Variants in PTBP3 observed in about 807,000 individuals in gnomAD.
PTBP3 encodes polypyrimidine tract binding protein 3, also known as polypyrimidine tract-binding protein 3.
PTBP3 carries 20 observed loss-of-function variants against 58.7 expected under a neutral mutation model. The ratio of observed to expected loss-of-function variants is 0.34; its 90% CI spans 0.24 to 0.50. The LOEUF is 0.50. Among genes scored for constraint, PTBP3 ranks in the 20% least tolerant of loss-of-function variants. The probability of loss-of-function intolerance (pLI) is 0.98; values close to 1 mark genes in which losing one functional copy is unlikely to be tolerated. For synonymous variants in PTBP3, 185 were observed against 219.8 expected, an observed-to-expected ratio of 0.84 and a Z score of 1.40; for missense variants, 509 against 637.2, an observed-to-expected ratio of 0.80 and a Z score of 2.17.
the PTBP3 span, chr9:112,362,929 T>C: frequency 3.7e-6 from 1 of 270,040 alleles, no homozygotes; most frequent in Non-Finnish European, 7.3e-6. Flanking sequence ...GCCCAGCGGC[T>C]TCTGGAAGTT....
chr9:112,314,209 T>C, intron 1 of PTBP3, among the ~76,000 whole-genome samples: 1 of 152,166 alleles, frequency 6.6e-6, no homozygotes, highest in East Asian at 1.9e-4. Context: ...GACAAATGTA[T>C]ACCACACAAA....
At chr9:112,326,486 GT>G (rs1830162185) in intron 1 of PTBP3, among the ~76,000 whole-genome samples, 1 of 152,188 alleles carries the variant, frequency 6.6e-6, no homozygotes. Flanking sequence ...CCAACCCTTG[GT>G]CAAGCAAACA....
At chr9:112,256,267 A>C (rs1345466198) in intron 5 of PTBP3, among the ~76,000 whole-genome samples, 13 of 110,750 alleles carry the variant, frequency 1.2e-4, no homozygotes, top group African/African-American at 2.3e-4. Context: ...AAAAAAAAAA[A>C]ACAAAATATA....
the PTBP3 span, among the ~76,000 whole-genome samples, chr9:112,350,677 ACTCTGT>A: frequency 1.3e-5 from 2 of 151,950 alleles, no homozygotes; most frequent in African/African-American, 4.8e-5. Flanking sequence ...TCTCTCTCAC[ACTCTGT>A]CTCTCTCTCT....
At chr9:112,363,861 C>T in the PTBP3 span, among the ~76,000 whole-genome samples, 1 of 152,142 alleles carries the variant, frequency 6.6e-6, no homozygotes, top group Non-Finnish European at 1.5e-5. Context: ...TCATTATCAA[C>T]CAAAATCCAT....
intron 1 of PTBP3, 114 bp from the exon 2 acceptor site, chr9:112,298,030 A>AG (rs935707078): frequency 2.5e-5 from 20 of 800,122 alleles, no homozygotes; most frequent in Non-Finnish European, 3.7e-5. Flanking sequence ...AAGACATTAA[A>AG]GGGGGAACTC....
chr9:112,232,648 C>G (rs994283852), intron 8 of PTBP3, among the ~76,000 whole-genome samples: 3 of 152,074 alleles, frequency 2.0e-5, no homozygotes, highest in African/African-American at 7.2e-5. Flanking sequence ...AGTCCTTCAG[C>G]AGAAAGTCAA....
chr9:112,290,701 TATATATACACACAC>T (rs1828370223), intron 2 of PTBP3, among the ~76,000 whole-genome samples: 2 of 64,844 alleles, frequency 3.1e-5, no homozygotes, highest in East Asian at 3.2e-4. Context: ...TATATATATA[TATATATACACACAC>T]ACACACACAC....
At chr9:112,258,661 T>TC (rs1836469784) in intron 5 of PTBP3, among the ~76,000 whole-genome samples, 1 of 152,182 alleles carries the variant, frequency 6.6e-6, no homozygotes, top group Non-Finnish European at 1.5e-5. Context: ...TCTTGATTAC[T>TC]CCCTTTCTCT....
At chr9:112,357,894 G>A in the PTBP3 span, among the ~76,000 whole-genome samples, 1 of 152,174 alleles carries the variant, frequency 6.6e-6, no homozygotes, top group Non-Finnish European at 1.5e-5. Flanking sequence ...AACTGGAAGA[G>A]TTGGAGATAG....
rs1007361432 is a variant in PTBP3, at chr9:112,223,382, C to T, written c.*469G>A. ...CTTTATATGTGAATATAATTTCCTA[C>T]AAGGGTCAGACTTCTGATTCATAAG... is the stretch of plus-strand genomic sequence containing the variant. On this transcript the variant is annotated 3_prime_UTR_variant, in exon 14 of 14. Coordinates refer to ENST00000374257, the MANE Select transcript of PTBP3 (RefSeq NM_001163788.4). 1 of 959,026 alleles carries T rather than the reference C, an allele frequency of 1.0e-6. No individual in the cohort carries two copies. The highest frequency in any genetic ancestry group is 1.2e-6 in the Non-Finnish European group (1 of 805,108). 59.4% of individuals were successfully genotyped at this position (959,026 alleles called of 1,614,324 possible).
the PTBP3 span, among the ~76,000 whole-genome samples, chr9:112,352,999 C>T: frequency 6.6e-6 from 1 of 151,782 alleles, no homozygotes; most frequent in African/African-American, 2.4e-5. Context: ...CTCCCGGGTT[C>T]AAGCGATTCT....
chr9:112,294,590 T>C (rs1242063067), intron 2 of PTBP3, among the ~76,000 whole-genome samples: 3 of 152,198 alleles, frequency 2.0e-5, no homozygotes, highest in East Asian at 3.8e-4. Context: ...GCCACCTCCA[T>C]TGCAATTAAG....
intron 1 of PTBP3, among the ~76,000 whole-genome samples, chr9:112,326,385 G>T (rs1461354558): frequency 6.6e-6 from 1 of 152,216 alleles, no homozygotes; most frequent in Non-Finnish European, 1.5e-5. Context: ...AGTGTGAAAG[G>T]AGCTACGGAC....
At chr9:112,369,901 A>G in the PTBP3 span, among the ~76,000 whole-genome samples, 3 of 152,098 alleles carry the variant, frequency 2.0e-5, no homozygotes, top group African/African-American at 7.2e-5. Context: ...CAGTTTTCCC[A>G]TGCTTTTCTC....
At chr9:112,301,841 T>C (rs982944253) in intron 1 of PTBP3, among the ~76,000 whole-genome samples, 3 of 152,224 alleles carry the variant, frequency 2.0e-5, no homozygotes, top group African/African-American at 7.2e-5. Flanking sequence ...GACCTTTCTG[T>C]ACTATCTTTA....
chr9:112,339,712 C>T, the PTBP3 span, among the ~76,000 whole-genome samples: 1 of 151,658 alleles, frequency 6.6e-6, no homozygotes, highest in Admixed American at 6.6e-5. Context: ...TACAGGTACA[C>T]CCCACCACAC....
the PTBP3 span, among the ~76,000 whole-genome samples, chr9:112,354,256 A>G: frequency 6.6e-6 from 1 of 152,244 alleles, no homozygotes; most frequent in Admixed American, 6.5e-5. Flanking sequence ...CCACAAGGTC[A>G]GTGGTAAAGC....
At chr9:112,301,116 C>A (rs1358024071) in intron 1 of PTBP3, among the ~76,000 whole-genome samples, 1 of 152,060 alleles carries the variant, frequency 6.6e-6, no homozygotes, top group African/African-American at 2.4e-5. Context: ...TCACACATCT[C>A]ACAAGAAACT....
Sources: gnomAD v4.1 joint callset for allele counts (sites outside exome capture counted in the v4.1 genomes callset) on GRCh38, gnomAD v4.1.1 for gene constraint, MANE v1.5 for transcripts, NCBI Gene and HGNC (gene_info 2026-07-23, HGNC 2026-07-21) for gene names.